Variants in SNAP91 observed in about 807,000 individuals in gnomAD.
SNAP91 encodes the protein clathrin coat assembly protein AP180.
In SNAP91, 27 loss-of-function variants were observed where a neutral mutation model predicts 100.3. The ratio of observed to expected loss-of-function variants is 0.27; its 90% CI spans 0.20 to 0.37. The LOEUF (loss-of-function observed/expected upper bound fraction) is 0.37, where lower values mean the gene tolerates loss of function less well. Among genes scored for constraint, SNAP91 ranks in the 10% least tolerant of loss-of-function variants. The probability of loss-of-function intolerance (pLI) is 1.00; values close to 1 mark genes in which losing one functional copy is unlikely to be tolerated. For synonymous variants in SNAP91, 404 were observed against 398.6 expected (o/e 1.01, Z -0.16); for missense variants, 986 against 1,123.7 (o/e 0.88, Z 1.75).
chr6:83,692,210 A>T (rs894785954), intron 2 of SNAP91, among the ~76,000 whole-genome samples: 2 of 152,186 alleles, frequency 1.3e-5, no homozygotes, highest in Non-Finnish European at 2.9e-5. Context: ...TTAAAGATTG[A>T]AGTTTGTTGT....
chr6:83,708,782 C>T (rs964256885), intron 1 of SNAP91, 63 bp downstream of exon 1: 1 of 152,148 alleles, frequency 6.6e-6, no homozygotes, highest in Non-Finnish European at 1.5e-5. Context: ...TGGGATTATC[C>T]TCTGCGGATC....
At chr6:83,563,436 GA>G (rs1379215805) in intron 26 of SNAP91, among the ~76,000 whole-genome samples, 10 of 151,778 alleles carry the variant, frequency 6.6e-5, no homozygotes, top group Non-Finnish European at 1.2e-4. Flanking sequence ...CTTAGTGACT[GA>G]AAAAAAATGA....
chr6:83,659,147 A>G, intron 5 of SNAP91, 55 bp from the exon 6 acceptor site: 1 of 1,321,760 alleles, frequency 7.6e-7, no homozygotes, highest in Non-Finnish European at 1.1e-6. Context: ...ACAATTCAAG[A>G]CCATATGAAT....
rs386703302 is a variant in SNAP91 at position 83,570,555 on chromosome 6, G to GT, written c.2442+4454_2442+4455insA. 2.9e-5 allele frequency among the ~76,000 whole-genome samples: 4 copies of GT among 136,100 alleles called. No homozygotes were observed. The East Asian group carries it at 9.6e-4, about 33-fold the overall frequency. The allele number at this position is 136,100 out of a possible 152,430, so 89.3% of individuals were successfully genotyped here. A position where few individuals can be genotyped will look rare whatever the true frequency, so the allele number is the denominator to read the frequency against. On this transcript the variant is annotated intron_variant, in intron 26 of 29. Coordinates refer to ENST00000369694, the MANE Select transcript of SNAP91 (RefSeq NM_001242792.2). ...CACAGACCTGGAGGTTTACGGGGTG[G>GT]CGGGGGGGGAAGTGGTTTCATGGGC...
intron 6 of SNAP91, among the ~76,000 whole-genome samples, chr6:83,658,564 C>A (rs1017358779): frequency 2.0e-5 from 3 of 151,922 alleles, no homozygotes; most frequent in Admixed American, 6.6e-5. Context: ...GGAGATCGCG[C>A]CACTGCACTC....
chr6:83,570,123 AG>A (rs1321311726), intron 26 of SNAP91, among the ~76,000 whole-genome samples: 1 of 152,052 alleles, frequency 6.6e-6, no homozygotes, highest in African/African-American at 2.4e-5. Flanking sequence ...CGGTGGTCTC[AG>A]GTGGAGATGA....
intron 1 of SNAP91, 48 bp downstream of exon 1, chr6:83,708,797 C>A (rs1437797237): frequency 6.6e-6 from 1 of 152,108 alleles, no homozygotes; most frequent in African/African-American, 2.4e-5. Flanking sequence ...CGGATCCCCG[C>A]GAGACCCTGG....
chr6:83,682,359 T>C (rs217293), intron 2 of SNAP91, among the ~76,000 whole-genome samples: 6,202 of 151,512 alleles, frequency 0.041, 178 homozygotes, highest in Non-Finnish European at 0.067. Flanking sequence ...TTTTGTGTTT[T>C]TGTTTGTGTG....
chr6:83,675,431 G>C (rs2098847706), intron 2 of SNAP91, among the ~76,000 whole-genome samples: 1 of 151,850 alleles, frequency 6.6e-6, no homozygotes. Flanking sequence ...ATTAACATGT[G>C]AACTTTAACG....
At chr6:83,646,851 T>C (rs1472931333) in intron 7 of SNAP91, among the ~76,000 whole-genome samples, 1 of 152,200 alleles carries the variant, frequency 6.6e-6, no homozygotes, top group African/African-American at 2.4e-5. Context: ...TATTAGTTGT[T>C]TGATTTCTTT....
At chr6:83,605,913 A>T in intron 13 of SNAP91, 110 bp from the exon 14 acceptor site, 1 of 933,830 alleles carries the variant, frequency 1.1e-6, no homozygotes, top group Non-Finnish European at 1.6e-6. Flanking sequence ...TTTTAAATCC[A>T]ATAAAAGAAT....
intron 28 of SNAP91, among the ~76,000 whole-genome samples, chr6:83,557,835 C>T (rs1425402283): frequency 6.6e-6 from 1 of 151,792 alleles, no homozygotes; most frequent in Non-Finnish European, 1.5e-5. Flanking sequence ...ATCATGATAC[C>T]AGCCAATGAA....
intron 25 of SNAP91, 127 bp from the exon 26 acceptor site, chr6:83,575,248 T>A (rs1423499611): frequency 1.8e-5 from 12 of 683,062 alleles, no homozygotes; most frequent in Non-Finnish European, 2.8e-5. Flanking sequence ...GGTATAGTAA[T>A]AAGAACAGCA....
intron 12 of SNAP91, among the ~76,000 whole-genome samples, chr6:83,609,273 A>T (rs2095840462): frequency 6.6e-6 from 1 of 152,162 alleles, no homozygotes. Context: ...AAAAAAATTC[A>T]ATTTGGCCAA....
chr6:83,629,755 A>AG (rs2097130243), intron 8 of SNAP91, among the ~76,000 whole-genome samples: 1 of 151,976 alleles, frequency 6.6e-6, no homozygotes, highest in Non-Finnish European at 1.5e-5. Flanking sequence ...AGCTTTCTGG[A>AG]GGAGTCTTTA....
chr6:83,575,089 T>C lies in SNAP91; in HGVS notation c.2363A>G (p.Lys788Arg). 1 of 1,607,550 alleles carries C rather than the reference T, an allele frequency of 6.2e-7. No homozygotes were observed. Among genetic ancestry groups the C allele is most frequent in the Non-Finnish European group, 8.5e-7 (1 of 1,176,636 alleles). Reference sequence around the variant, plus strand: ...CTGCCAGTTGGCTCCACCAGTCAACTTTTTCTCTCCAGCATTCCACTGAAG... The same window carrying C: ...CTGCCAGTTGGCTCCACCAGTCAACCTTTTCTCTCCAGCATTCCACTGAAG... ...GDLQWNAGEK[K>R]LTGGANWQPK... is the part of the protein sequence containing the mutation. The change falls in exon 26 of 30, where the codon AAG (lysine) becomes AGG (arginine). Residue 788 changes from lysine (K) to arginine (R), a missense_variant. Transcript: ENST00000369694.
chr6:83,564,072 G>C (rs1292163043), intron 26 of SNAP91, among the ~76,000 whole-genome samples: 2 of 151,986 alleles, frequency 1.3e-5, no homozygotes, highest in Non-Finnish European at 2.9e-5. Flanking sequence ...AACAAATTTG[G>C]GGGAATCACA....
intron 16 of SNAP91, among the ~76,000 whole-genome samples, chr6:83,595,369 T>C (rs2094340908): frequency 6.6e-6 from 1 of 152,230 alleles, no homozygotes; most frequent in Non-Finnish European, 1.5e-5. Flanking sequence ...TTTAAGACTA[T>C]AAGTGTATTA....
intron 1 of SNAP91, chr6:83,708,363 C>T (rs1006604099): frequency 1.2e-5 from 2 of 162,630 alleles, no homozygotes; most frequent in Admixed American, 6.5e-5. Flanking sequence ...CATCTCCCAC[C>T]TCAGCAGACT....
Sources: gnomAD v4.1 joint callset for allele counts (sites outside exome capture counted in the v4.1 genomes callset) on GRCh38, gnomAD v4.1.1 for gene constraint, MANE v1.5 for transcripts, NCBI Gene and HGNC (gene_info 2026-07-23, HGNC 2026-07-21) for gene names.